Variants in ERC1 observed in about 807,000 individuals in gnomAD.
ERC1 encodes RAB6 interacting protein 2.
Under a neutral mutation model 132.0 loss-of-function variants are expected in ERC1, and 56 were observed. The observed-to-expected ratio is 0.42, with a 90% CI of 0.34 to 0.53. ERC1 has a LOEUF of 0.53. ERC1 is among the 20% of genes least tolerant of loss of function. The pLI, the probability that ERC1 is intolerant of heterozygous loss-of-function variation, is 0.03. For synonymous variants in ERC1, 478 were observed against 476.1 expected (o/e 1.00, Z -0.05); for missense variants, 1,202 against 1,349.9 (o/e 0.89, Z 1.72).
chr12:1,133,759 A>G (rs527645277), intron 7 of ERC1, among the ~76,000 whole-genome samples: 1 of 152,276 alleles, frequency 6.6e-6, no homozygotes, highest in African/African-American at 2.4e-5. Flanking sequence ...TACTCGTTTT[A>G]TAACTGAGGG....
In ERC1 at chr12:1,083,571, G is replaced by A; in HGVS notation, c.1077G>A (p.Met359Ile). ...AGCAGAAGGAAAAAGAGAACAGTATGTTGAGAGAGGTATGTGACTACTTTT... is the reference window on the plus strand; with the variant it reads ...AGCAGAAGGAAAAAGAGAACAGTATATTGAGAGAGGTATGTGACTACTTTT... ...LLEQKEKENSMLREEMHRRFE... is the reference protein window; with the variant it reads ...LLEQKEKENSILREEMHRRFE... Residue 359 changes from methionine to isoleucine, a missense_variant, in exon 3 of 19, where the codon ATG becomes ATA. Physicochemically the swap from Met to Ile is conservative, Grantham distance 10. Transcript: ENST00000360905. 1 of 1,588,990 alleles carries A rather than the reference G, an allele frequency of 6.3e-7. No homozygotes were observed. The highest frequency in any genetic ancestry group is 2.2e-5 in the East Asian group (1 of 44,780).
At chr12:1,191,082 TCTC>T (rs1238422155) in intron 12 of ERC1, among the ~76,000 whole-genome samples, 1 of 152,132 alleles carries the variant, frequency 6.6e-6, no homozygotes, top group Non-Finnish European at 1.5e-5. Context: ...CCTTCACAGT[TCTC>T]CTTCACTGTA....
intron 13 of ERC1, among the ~76,000 whole-genome samples, chr12:1,240,174 G>T (rs560967392): frequency 6.6e-6 from 1 of 152,114 alleles, no homozygotes; most frequent in African/African-American, 2.4e-5. Context: ...TTTTAAATCC[G>T]GAAACTTCAT....
chr12:1,284,605 T>C (rs1163538272), intron 14 of ERC1, among the ~76,000 whole-genome samples: 1 of 152,182 alleles, frequency 6.6e-6, no homozygotes, highest in Non-Finnish European at 1.5e-5. Flanking sequence ...GCATTTGTTA[T>C]TTTCTGCTTT....
At chr12:1,112,096 C>A in intron 5 of ERC1, 119 bp from the exon 6 acceptor site, 1 of 672,296 alleles carries the variant, frequency 1.5e-6, no homozygotes, top group Non-Finnish European at 2.6e-6. Context: ...ATGAGGGGAA[C>A]AGATTTGATT....
At chr12:1,409,183 C>T (rs2091696942) in intron 17 of ERC1, among the ~76,000 whole-genome samples, 2 of 152,184 alleles carry the variant, frequency 1.3e-5, no homozygotes, top group South Asian at 2.1e-4. Flanking sequence ...ATTATGATGA[C>T]GTTTCCTAAG....
intron 15 of ERC1, among the ~76,000 whole-genome samples, chr12:1,321,326 G>A (rs1446075466): frequency 2.4e-5 from 3 of 127,148 alleles, no homozygotes; most frequent in Non-Finnish European, 5.0e-5. Flanking sequence ...CATATGATAC[G>A]TGTGTGTGTG....
At chr12:1,004,106 A>G (rs1002687359) in intron 1 of ERC1, among the ~76,000 whole-genome samples, 1 of 152,106 alleles carries the variant, frequency 6.6e-6, no homozygotes, top group African/African-American at 2.4e-5. Flanking sequence ...CTGTTATGGG[A>G]GGATCACAGG....
chr12:1,318,543 A>C (rs1485050994), intron 15 of ERC1, among the ~76,000 whole-genome samples: 2 of 152,232 alleles, frequency 1.3e-5, no homozygotes, highest in Non-Finnish European at 2.9e-5. Flanking sequence ...AAGGTCACAA[A>C]TTAAACAAAG....
intron 2 of ERC1, among the ~76,000 whole-genome samples, chr12:1,032,729 T>C (rs1410652371): frequency 6.6e-6 from 1 of 152,250 alleles, no homozygotes; most frequent in Non-Finnish European, 1.5e-5. Context: ...AGTTGACATT[T>C]TTGAGTTGTC....
chr12:1,281,164 A>G (rs1037286648), intron 14 of ERC1, among the ~76,000 whole-genome samples: 4 of 152,192 alleles, frequency 2.6e-5, no homozygotes, highest in Admixed American at 6.5e-5. Context: ...GAATCCCTAC[A>G]TGGTCTGTTT....
At chr12:1,038,116 A>G (rs541622006) in intron 2 of ERC1, among the ~76,000 whole-genome samples, 3 of 152,172 alleles carry the variant, frequency 2.0e-5, no homozygotes, top group Non-Finnish European at 4.4e-5. Flanking sequence ...GTAATGCTTC[A>G]TCATCACTAG....
intron 17 of ERC1, chr12:1,430,229 G>A (rs2092753959): frequency 6.6e-6 from 1 of 152,196 alleles, no homozygotes; most frequent in Non-Finnish European, 1.5e-5. Flanking sequence ...AAGCCACAAT[G>A]CCTTTTATGA....
intron 18 of ERC1, among the ~76,000 whole-genome samples, chr12:1,459,693 C>G (rs2093608941): frequency 6.6e-6 from 1 of 152,202 alleles, no homozygotes; most frequent in South Asian, 2.1e-4. Context: ...AGTATCTCGT[C>G]AAACACACAA....
chr12:1,217,534 T>G (rs988518854), intron 12 of ERC1, among the ~76,000 whole-genome samples: 2 of 152,104 alleles, frequency 1.3e-5, no homozygotes, highest in Non-Finnish European at 2.9e-5. Flanking sequence ...CTGGGTAGAG[T>G]AAACCTGCCT....
rs1015577919 is a variant in ERC1 at position 1,289,781 on chromosome 12, C to T, written c.2620-71C>T. On this transcript the variant is annotated intron_variant, in intron 14 of 18. Transcript: ENST00000360905. ...TTCAATTTTCTGGACCCAGGAGTTG[C>T]GTGTTACCCAGGTCCTCTGACTCTG... The T allele has an allele frequency of 1.6e-5, 20 of 1,246,894 alleles. No homozygotes were observed. The African/African-American group carries it at 2.1e-4, about 13-fold the overall frequency. 77.2% of individuals were successfully genotyped at this position (1,246,894 alleles called of 1,614,324 possible).
At chr12:1,243,114 G>A (rs2075921233) in intron 13 of ERC1, among the ~76,000 whole-genome samples, 1 of 149,374 alleles carries the variant, frequency 6.7e-6, no homozygotes. Context: ...GTGAACCCGG[G>A]AAGCGGAGCT....
chr12:1,297,111 G>T (rs1159993168), intron 15 of ERC1, among the ~76,000 whole-genome samples: 3 of 151,216 alleles, frequency 2.0e-5, no homozygotes. Flanking sequence ...AAGAAAAAAG[G>T]CACAGTGCAT....
chr12:1,054,186 CAA>C (rs1972526257), intron 2 of ERC1, among the ~76,000 whole-genome samples: 1 of 152,142 alleles, frequency 6.6e-6, no homozygotes, highest in South Asian at 2.1e-4. Flanking sequence ...ATCATGTATT[CAA>C]AGTTTGTACT....
Sources: allele counts gnomAD v4.1 joint callset (sites outside exome capture counted in the v4.1 genomes callset), GRCh38; gene constraint gnomAD v4.1.1; transcripts MANE v1.5; gene names NCBI Gene and HGNC (gene_info 2026-07-23, HGNC 2026-07-21).